The following ZNF717 variants were observed in gnomAD, a reference collection of about 807,000 sequenced individuals.
ZNF717 encodes the protein zinc finger protein 717.
In ZNF717, 9 loss-of-function variants were observed where a neutral mutation model predicts 13.8. The observed-to-expected ratio is 0.65, with a 90% confidence interval of 0.39 to 1.14. The LOEUF (loss-of-function observed/expected upper bound fraction) is 1.14, where lower values mean the gene tolerates loss of function less well. Among genes scored for constraint, ZNF717 ranks in the 50% most tolerant of loss-of-function variants. ZNF717 has a pLI of 0.01. For missense variants in ZNF717, 1,040 were observed against 1,080.7 expected, an observed-to-expected ratio of 0.96 and a Z score of 0.53; for synonymous variants, 327 against 364.1, an observed-to-expected ratio of 0.90 and a Z score of 1.16.
At chr3:75,747,410 G>C (rs1333641532) in intron 2 of ZNF717, among the ~76,000 whole-genome samples, 6 of 152,142 alleles carry the variant, frequency 3.9e-5, no homozygotes, top group Non-Finnish European at 7.3e-5. Context: ...ATCATTGGTA[G>C]CTTGATGGGG....
chr3:75,718,111 G>A (rs567886092), intron 4 of ZNF717, among the ~76,000 whole-genome samples: 11 of 152,276 alleles, frequency 7.2e-5, no homozygotes, highest in Admixed American at 5.2e-4. Flanking sequence ...GAACTCTGGG[G>A]AGCCACGTCG....
chr3:75,764,901 T>G (rs1171793733), intron 2 of ZNF717, among the ~76,000 whole-genome samples: 1 of 151,678 alleles, frequency 6.6e-6, no homozygotes, highest in East Asian at 1.9e-4. Flanking sequence ...CAAACAGATA[T>G]GTGCACACCT....
exon 6 of ZNF717, chr3:75,730,418 T>C (rs1156382193): frequency 4.4e-6 from 2 of 456,494 alleles, no homozygotes; most frequent in African/African-American, 2.0e-5. Context: ...AAAAGGGGAG[T>C]TTTATTTCCA....
chr3:75,704,044 G>T (rs1446990290), intron 6 of ZNF717, among the ~76,000 whole-genome samples: 2 of 152,396 alleles, frequency 1.3e-5, no homozygotes, highest in Admixed American at 1.3e-4. Context: ...AGCTAGCTTA[G>T]GACAGTGGGT....
intron 2 of ZNF717, among the ~76,000 whole-genome samples, chr3:75,765,241 T>G (rs1421332686): frequency 6.6e-6 from 1 of 151,812 alleles, no homozygotes; most frequent in African/African-American, 2.4e-5. Flanking sequence ...GGGAAATTAA[T>G]AGTTGTTGAA....
chr3:75,755,448 T>G (rs1942388783), intron 2 of ZNF717, among the ~76,000 whole-genome samples: 1 of 149,346 alleles, frequency 6.7e-6, no homozygotes, highest in Non-Finnish European at 1.5e-5. Flanking sequence ...TGTGGTACAA[T>G]AAAAACATGT....
Position 75,741,635 on chromosome 3 carries a change from C to T in ZNF717, c.159G>A (p.Glu53=). ...CCAATGATACCAGGCTGCTGTAGGT[C>T]TCCAGCATCACGTCCCTGTACAGGG... is the stretch of plus-strand genomic sequence containing the variant. ...QRTLYRDVML[E]TYSSLVSLGH... The change falls in exon 3 of 5, where the codon GAG becomes GAA. Residue 53 remains glutamate (E), a synonymous_variant. Transcript: ENST00000652011. The T allele has an allele frequency of 6.2e-7, 1 of 1,605,930 alleles. No homozygotes were observed. Among genetic ancestry groups the T allele is most frequent in the Non-Finnish European group, 8.5e-7 (1 of 1,174,652 alleles).
chr3:75,744,541 A>C (rs1351588953), intron 2 of ZNF717, among the ~76,000 whole-genome samples: 2 of 152,242 alleles, frequency 1.3e-5, no homozygotes, highest in East Asian at 3.8e-4. Flanking sequence ...TACTGAAACC[A>C]ACTTTGGAAC....
intron 6 of ZNF717, among the ~76,000 whole-genome samples, chr3:75,704,000 G>A (rs1203208582): frequency 6.6e-6 from 1 of 152,412 alleles, no homozygotes; most frequent in South Asian, 2.1e-4. Flanking sequence ...AATGTCCTAG[G>A]AGTGTAGCAT....
exon 6 of ZNF717, chr3:75,711,118 G>A (rs73841535): frequency 7.6e-6 from 1 of 132,060 alleles, no homozygotes; most frequent in Admixed American, 7.6e-5. Flanking sequence ...ATATAACCAA[G>A]GTTTTCAATG....
chr3:75,750,897 G>C (rs796804183), intron 2 of ZNF717, among the ~76,000 whole-genome samples: 83 of 147,952 alleles, frequency 5.6e-4, no homozygotes, highest in African/African-American at 2.1e-3. Flanking sequence ...CCTCTCATGG[G>C]ATTCCAGAAC....
Position 75,738,816 on chromosome 3 carries a change from G to A in ZNF717, c.807C>T (p.Asp269=). 6.4e-7 allele frequency: 1 copy of A among 1,552,286 alleles called. No individual in the cohort carries two copies. Among genetic ancestry groups the A allele is most frequent in the African/African-American group, 1.4e-5 (1 of 73,202 alleles). ...TGTGTGTCTGCTGATGTTTAGTGAA[G>A]TCAGACTTTCTACAGCAAGTTGGCT... The part of the protein sequence containing the change: ...VGQPTCCRKS[D]FTKHQQTHTG... The change falls in exon 5 of 5, where the codon GAC becomes GAT. Residue 269 remains aspartate (D), a synonymous_variant. Coordinates refer to ENST00000652011, the MANE Select transcript of ZNF717 (RefSeq NM_001290208.3).
downstream of ZNF717, chr3:75,732,145 C>T: frequency 1.4e-6 from 1 of 702,834 alleles, no homozygotes; most frequent in Non-Finnish European, 2.6e-6. Flanking sequence ...AAAGGAAAAC[C>T]ATCTTAAAAT....
At position 75,738,126 on chromosome 3, in the gene ZNF717, C is replaced by G. The variant is rs1336465457; in HGVS notation, c.1497G>C (p.Trp499Cys). ...CGTAGGGTTTTTCCCCTGTGTGAGTCCATTGATGGATAGTGAGGAATGACT... is the reference window on the plus strand; with the variant it reads ...CGTAGGGTTTTTCCCCTGTGTGAGTGCATTGATGGATAGTGAGGAATGACT... ...HRKSFLTIHQWTHTGEKPYEC... is the reference protein window; with the variant it reads ...HRKSFLTIHQCTHTGEKPYEC... The change falls in exon 5 of 5, where the codon TGG becomes TGC. Residue 499 changes from tryptophan to cysteine, a missense_variant. By Grantham distance (215) the Trp-to-Cys change is radical. This residue lies in a region of ZNF717 where 873 missense variants were observed against 832.8 expected (regional missense o/e 1.05). Transcript: ENST00000652011. 1.6e-5 allele frequency: 22 copies of G among 1,346,986 alleles called. No homozygotes were observed. The South Asian group carries it at 3.2e-4, about 20-fold the overall frequency. The allele number at this position is 1,346,986 out of a possible 1,614,324, so 83.4% of individuals were successfully genotyped here.
At chr3:75,733,424 A>C (rs1280634295), downstream of ZNF717, among the ~76,000 whole-genome samples, 1 of 152,230 alleles carries the variant, frequency 6.6e-6, no homozygotes, top group African/African-American at 2.4e-5. Flanking sequence ...ATAAAACATC[A>C]GCTCCAAAAG....
intron 2 of ZNF717, among the ~76,000 whole-genome samples, chr3:75,780,491 G>A (rs529362362): frequency 1.9e-4 from 29 of 152,248 alleles, no homozygotes; most frequent in South Asian, 1.5e-3. Flanking sequence ...TGCAAGTTCC[G>A]CCTCCCGGGT....
chr3:75,780,159 A>G (rs1476235781), intron 2 of ZNF717, among the ~76,000 whole-genome samples: 1 of 124,692 alleles, frequency 8.0e-6, no homozygotes, highest in Non-Finnish European at 1.7e-5. Context: ...AAAACAATGG[A>G]GCTGACGTGC....
At chr3:75,742,431 T>C (rs1159451064) in intron 2 of ZNF717, among the ~76,000 whole-genome samples, 5 of 152,116 alleles carry the variant, frequency 3.3e-5, no homozygotes, top group African/African-American at 4.8e-5. Context: ...GGTGAACTCA[T>C]TGAGACACAA....
At chr3:75,719,960 A>AAAT (rs1178109185) in intron 4 of ZNF717, among the ~76,000 whole-genome samples, 12 of 93,050 alleles carry the variant, frequency 1.3e-4, no homozygotes, top group African/African-American at 6.0e-4. Context: ...CTCCATCTCA[A>AAAT]AATAATAATA....
Sources: gnomAD v4.1 joint callset for allele counts (sites outside exome capture counted in the v4.1 genomes callset) on GRCh38, gnomAD v4.1.1 for gene constraint, gnomAD v4.1.1 regional missense constraint, MANE v1.5 for transcripts, NCBI Gene and HGNC (gene_info 2026-07-23, HGNC 2026-07-21) for gene names.